The following STPG2 variants were observed in gnomAD, a reference collection of about 807,000 sequenced individuals.
The protein encoded by STPG2 is sperm-tail PG-rich repeat-containing protein 2.
A neutral mutation model predicts 54.2 loss-of-function variants in STPG2; 56 were observed. That is an observed-to-expected ratio of 1.03 (90% CI 0.83 to 1.29). The LOEUF is 1.29. STPG2 is among the 50% of genes most tolerant of loss of function. The pLI is 0.00. For missense variants in STPG2, 596 were observed against 544.9 expected (o/e 1.09, Z -0.93); for synonymous variants, 200 against 181.8 (o/e 1.10, Z -0.81).
intron 8 of STPG2, among the ~76,000 whole-genome samples, chr4:97,934,029 T>G (rs2149221424): frequency 6.6e-6 from 1 of 152,334 alleles, no homozygotes; most frequent in Non-Finnish European, 1.5e-5. Context: ...TTGTGTCCTC[T>G]CTTATTTTCT....
At chr4:97,770,016 G>A (rs2149061539) in intron 9 of STPG2, among the ~76,000 whole-genome samples, 1 of 152,100 alleles carries the variant, frequency 6.6e-6, no homozygotes, top group Non-Finnish European at 1.5e-5. Context: ...TTTGAGCCCA[G>A]CCTGGTCAAC....
intron 10 of STPG2, among the ~76,000 whole-genome samples, chr4:97,624,052 G>T (rs367724885): frequency 6.6e-6 from 1 of 152,098 alleles, no homozygotes; most frequent in Non-Finnish European, 1.5e-5. Context: ...TGGGCATTTG[G>T]GTTGATTCCA....
At chr4:97,516,514 T>C (rs1055823763) in intron 4 of STPG2, among the ~76,000 whole-genome samples, 15 of 152,016 alleles carry the variant, frequency 9.9e-5, no homozygotes, top group Admixed American at 6.6e-4. Flanking sequence ...GCGACACTTA[T>C]AAGAAATTAT....
intron 8 of STPG2, among the ~76,000 whole-genome samples, chr4:97,901,546 T>A (rs561273280): frequency 2.4e-3 from 365 of 152,076 alleles, no homozygotes; most frequent in African/African-American, 8.5e-3. Context: ...ACAAACTATT[T>A]GTTAAAGACA....
rs1281390180 is a variant in STPG2, at chr4:97,925,089, TCTTTGCAAATCTATTA to T, written c.1044+18792_1044+18807del. On this transcript the variant is annotated intron_variant, in intron 8 of 10. Transcript: ENST00000295268. The stretch of plus-strand genomic sequence containing the variant: ...ACCAAAGAGTAAAGATAAAATTATT[TCTTTGCAAATCTATTA>T]CTTCTGAGATTTATGTACTGCAAAT... Among the ~76,000 whole-genome samples, 12 of 152,342 alleles carry T rather than the reference TCTTTGCAAATCTATTA, an allele frequency of 7.9e-5. No homozygotes were observed. In the South Asian group the frequency reaches 1.5e-3, roughly 18 times the overall value.
chr4:97,976,775 C>T (rs1177185824), intron 6 of STPG2, among the ~76,000 whole-genome samples: 2 of 152,078 alleles, frequency 1.3e-5, no homozygotes, highest in African/African-American at 4.8e-5. Context: ...TTTTAGAGGT[C>T]ATTCTTAATT....
intron 10 of STPG2, among the ~76,000 whole-genome samples, chr4:97,586,721 A>G (rs944743077): frequency 2.0e-5 from 3 of 151,982 alleles, no homozygotes; most frequent in Non-Finnish European, 2.9e-5. Context: ...TCTATATTGG[A>G]AAAATTATCC....
chr4:97,887,957 C>A (rs1032997949), intron 8 of STPG2, among the ~76,000 whole-genome samples: 10 of 152,196 alleles, frequency 6.6e-5, no homozygotes, highest in African/African-American at 2.4e-4. Context: ...AGGTACAGCT[C>A]AGGCCACTGC....
intron 9 of STPG2, among the ~76,000 whole-genome samples, chr4:97,824,104 G>A (rs569556354): frequency 6.6e-6 from 1 of 152,272 alleles, no homozygotes; most frequent in African/African-American, 2.4e-5. Flanking sequence ...ATGGGACATG[G>A]GGAGTTTTTC....
intron 4 of STPG2, among the ~76,000 whole-genome samples, chr4:98,106,876 T>C (rs1739202969): frequency 6.6e-6 from 1 of 152,186 alleles, no homozygotes; most frequent in South Asian, 2.1e-4. Context: ...TACTATTTTT[T>C]CTATTTTGTA....
At chr4:97,906,517 C>A (rs1050445678) in intron 8 of STPG2, among the ~76,000 whole-genome samples, 1 of 152,186 alleles carries the variant, frequency 6.6e-6, no homozygotes. Flanking sequence ...CTCATTTTAT[C>A]AGGCCAGTAT....
chr4:97,927,214 CTA>C (rs1732363124), intron 8 of STPG2, among the ~76,000 whole-genome samples: 1 of 129,240 alleles, frequency 7.7e-6, no homozygotes, highest in South Asian at 2.6e-4. Flanking sequence ...ATTCTCAACT[CTA>C]TGTATTATAA....
chr4:97,457,046 A>C (rs1376107785), intron 4 of STPG2, among the ~76,000 whole-genome samples: 2 of 152,164 alleles, frequency 1.3e-5, no homozygotes, highest in South Asian at 2.1e-4. Flanking sequence ...TGAAAACAAT[A>C]GTGAGATACC....
intron 1 of STPG2, among the ~76,000 whole-genome samples, chr4:98,142,312 T>C (rs1394486792): frequency 1.3e-5 from 2 of 152,132 alleles, no homozygotes; most frequent in Non-Finnish European, 2.9e-5. Context: ...GGGGAAAATG[T>C]AGGTTAAGAA....
At chr4:98,078,397 A>G (rs1328404196) in intron 5 of STPG2, among the ~76,000 whole-genome samples, 2 of 152,160 alleles carry the variant, frequency 1.3e-5, no homozygotes, top group Non-Finnish European at 2.9e-5. Flanking sequence ...CCAGGACCCT[A>G]GTCTTCAGAT....
At chr4:98,087,046 G>T (rs1738539848) in intron 5 of STPG2, among the ~76,000 whole-genome samples, 1 of 152,066 alleles carries the variant, frequency 6.6e-6, no homozygotes, top group African/African-American at 2.4e-5. Flanking sequence ...TAAATAACAT[G>T]TCTTAAATAA....
chr4:97,443,351 A>G (rs1054593375), intron 4 of STPG2, among the ~76,000 whole-genome samples: 19 of 152,214 alleles, frequency 1.2e-4, no homozygotes, highest in African/African-American at 4.3e-4. Flanking sequence ...ATTACAAAGA[A>G]AAAGGAAGAA....
intron 10 of STPG2, among the ~76,000 whole-genome samples, chr4:97,626,545 C>A (rs946437195): frequency 1.3e-5 from 2 of 152,202 alleles, no homozygotes; most frequent in East Asian, 1.9e-4. Flanking sequence ...CTCCCCAGGG[C>A]AAAGTCTGTC....
intron 8 of STPG2, among the ~76,000 whole-genome samples, chr4:97,851,678 C>T (rs1729162500): frequency 6.6e-6 from 1 of 152,054 alleles, no homozygotes; most frequent in African/African-American, 2.4e-5. Context: ...TGATCAAGTA[C>T]TAACTTTCAC....
Sources: gnomAD v4.1 joint callset for allele counts (sites outside exome capture counted in the v4.1 genomes callset) on GRCh38, gnomAD v4.1.1 for gene constraint, MANE v1.5 for transcripts, NCBI Gene and HGNC (gene_info 2026-07-23, HGNC 2026-07-21) for gene names.